Variants in MTUS2 observed in about 807,000 individuals in gnomAD.
MTUS2 encodes the protein microtubule associated scaffold protein 2, also known as microtubule-associated tumor suppressor candidate 2.
MTUS2 carries 40 observed loss-of-function variants against 114.1 expected under a neutral mutation model. The ratio of observed to expected loss-of-function variants is 0.35; its 90% CI spans 0.27 to 0.46. MTUS2 has a LOEUF of 0.46. MTUS2 is among the 20% of genes least tolerant of loss of function. The pLI, the probability that MTUS2 is intolerant of heterozygous loss-of-function variation, is 1.00. For missense variants in MTUS2, 1,679 were observed against 1,705.4 expected (o/e 0.98, Z 0.27); for synonymous variants, 688 against 672.0 (o/e 1.02, Z -0.37).
intron 4 of MTUS2, among the ~76,000 whole-genome samples, chr13:29,055,278 A>C (rs1265955652): frequency 6.6e-6 from 1 of 152,120 alleles, no homozygotes; most frequent in Admixed American, 6.6e-5. Flanking sequence ...TTTCATTATG[A>C]AATATGCATC....
chr13:28,883,157 C>G (rs1411493794), intron 2 of MTUS2, among the ~76,000 whole-genome samples: 3 of 152,180 alleles, frequency 2.0e-5, no homozygotes, highest in African/African-American at 7.2e-5. Context: ...ATACCACATA[C>G]TGCTGAGAAA....
chr13:29,330,489 T>C (rs1900724248), intron 7 of MTUS2, among the ~76,000 whole-genome samples: 1 of 152,198 alleles, frequency 6.6e-6, no homozygotes. Context: ...CTTTTGGTGT[T>C]TTAGTCGTGA....
chr13:29,139,612 C>G (rs1007828994), intron 5 of MTUS2, among the ~76,000 whole-genome samples: 1 of 152,082 alleles, frequency 6.6e-6, no homozygotes, highest in Admixed American at 6.6e-5. Context: ...TACCCTTTTA[C>G]TATCTCGTTA....
chr13:28,978,258 T>G (rs940540994), intron 2 of MTUS2, among the ~76,000 whole-genome samples: 1 of 152,196 alleles, frequency 6.6e-6, no homozygotes, highest in African/African-American at 2.4e-5. Flanking sequence ...ATTTAAGATC[T>G]TCTTACATCA....
intron 6 of MTUS2, among the ~76,000 whole-genome samples, chr13:29,301,162 C>T (rs7338476): frequency 0.081 from 12,385 of 152,170 alleles, 677 homozygotes; most frequent in South Asian, 0.17. Flanking sequence ...CAGCTTGCCC[C>T]CCACCCCGAA....
intron 2 of MTUS2, among the ~76,000 whole-genome samples, chr13:28,989,852 GT>G (rs67968989): frequency 0.56 from 79,939 of 143,664 alleles, 21,816 homozygotes; most frequent in East Asian, 0.74. Context: ...GTTTTGTTTT[GT>G]TTTTTTTTTT....
chr13:28,890,456 A>G (rs978860437), intron 2 of MTUS2, among the ~76,000 whole-genome samples: 11 of 152,192 alleles, frequency 7.2e-5, no homozygotes, highest in African/African-American at 2.6e-4. Flanking sequence ...ACGTCACTAC[A>G]TTTCTTTGTG....
At position 29,480,400 on chromosome 13, in the gene MTUS2, G is replaced by C; in HGVS notation, c.3399+36G>C. 2 of 1,471,190 alleles carry C rather than the reference G, an allele frequency of 1.4e-6. No individual in the cohort carries two copies. The allele number at this position is 1,471,190 out of a possible 1,614,324, so 91.1% of individuals were successfully genotyped here. ...AGTGCGGCTCGAGCTCTGCTGTTGGGTGATGCAGGTGGCGGGCGGCGGGGA... is the reference window on the plus strand; with the variant it reads ...AGTGCGGCTCGAGCTCTGCTGTTGGCTGATGCAGGTGGCGGGCGGCGGGGA... On this transcript the variant is annotated intron_variant, in intron 10 of 15. Transcript: ENST00000612955. The surrounding 1 kb of genome is among the most constrained non-coding windows in gnomAD (Gnocchi z 4.4).
chr13:29,195,594 C>T (rs942293498), intron 5 of MTUS2, among the ~76,000 whole-genome samples: 2 of 149,406 alleles, frequency 1.3e-5, no homozygotes, highest in Non-Finnish European at 3.0e-5. Flanking sequence ...ACAGTCCTTC[C>T]GGCTCATGTT....
chr13:29,262,892 TGAAA>T, intron 5 of MTUS2, among the ~76,000 whole-genome samples: 1 of 152,176 alleles, frequency 6.6e-6, no homozygotes, highest in Non-Finnish European at 1.5e-5. Context: ...TGACAGCTGA[TGAAA>T]GAGAGCTGCT....
intron 9 of MTUS2, among the ~76,000 whole-genome samples, chr13:29,442,660 C>T (rs1444753565): frequency 6.6e-6 from 1 of 152,216 alleles, no homozygotes; most frequent in East Asian, 1.9e-4. Flanking sequence ...GGTGTGTTTC[C>T]CTCGGAAGTA....
At chr13:29,487,009 G>T (rs1197565727) in intron 10 of MTUS2, among the ~76,000 whole-genome samples, 3 of 152,124 alleles carry the variant, frequency 2.0e-5, no homozygotes, top group Non-Finnish European at 4.4e-5. Flanking sequence ...TAGGGGAGGG[G>T]GTCAGGAAAC....
At chr13:29,042,664 G>A (rs950814434) in intron 4 of MTUS2, among the ~76,000 whole-genome samples, 3 of 151,850 alleles carry the variant, frequency 2.0e-5, no homozygotes, top group Non-Finnish European at 2.9e-5. Context: ...TGGTCTGTTC[G>A]GAATTTAATT....
At chr13:29,232,513 T>G (rs1410483331) in intron 5 of MTUS2, among the ~76,000 whole-genome samples, 1 of 152,222 alleles carries the variant, frequency 6.6e-6, no homozygotes, top group Admixed American at 6.5e-5. Flanking sequence ...GACTCCGAGT[T>G]CAGGACACTA....
At chr13:29,060,057 A>G (rs1487743368) in intron 4 of MTUS2, among the ~76,000 whole-genome samples, 2 of 152,218 alleles carry the variant, frequency 1.3e-5, no homozygotes, top group Non-Finnish European at 2.9e-5. Context: ...AGGAGGCTGC[A>G]GCTGCCAGCC....
intron 8 of MTUS2, among the ~76,000 whole-genome samples, chr13:29,383,902 C>A (rs1426399968): frequency 2.7e-5 from 4 of 148,666 alleles, no homozygotes; most frequent in African/African-American, 7.3e-5. Context: ...TTCTAACTGT[C>A]CACTTTTTCT....
chr13:29,273,823 A>G (rs552230475), intron 5 of MTUS2, among the ~76,000 whole-genome samples: 2 of 152,172 alleles, frequency 1.3e-5, no homozygotes, highest in Admixed American at 6.5e-5. Context: ...TTCAGGATTC[A>G]TGCATGGTAT....
intron 6 of MTUS2, among the ~76,000 whole-genome samples, chr13:29,309,331 C>T (rs1484490148): frequency 2.0e-5 from 3 of 152,052 alleles, no homozygotes; most frequent in Non-Finnish European, 4.4e-5. Context: ...AATACAAGAA[C>T]AGAAAACCAA....
intron 5 of MTUS2, among the ~76,000 whole-genome samples, chr13:29,188,961 A>G (rs887620543): frequency 2.0e-5 from 3 of 152,204 alleles, no homozygotes; most frequent in Admixed American, 1.3e-4. Flanking sequence ...CACAGGTACC[A>G]TAGGGATAGA....
Sources: allele counts gnomAD v4.1 joint callset (sites outside exome capture counted in the v4.1 genomes callset), GRCh38; gene constraint gnomAD v4.1.1; non-coding constraint Gnocchi (gnomAD v3.1); transcripts MANE v1.5; gene names NCBI Gene and HGNC (gene_info 2026-07-23, HGNC 2026-07-21).